The following WT1 variants were observed in gnomAD, a reference collection of about 807,000 sequenced individuals.
The protein encoded by WT1 is Wilms tumor protein.
Under a neutral mutation model 60.8 loss-of-function variants are expected in WT1, and 8 were observed. That is an observed-to-expected ratio of 0.13 (90% CI 0.08 to 0.24). WT1 has a LOEUF of 0.24. WT1 is among the 10% of genes least tolerant of loss of function. WT1 has a pLI of 1.00. For missense variants in WT1, 568 were observed against 711.8 expected, an observed-to-expected ratio of 0.80 and a Z score of 2.30; for synonymous variants, 312 against 297.1, an observed-to-expected ratio of 1.05 and a Z score of -0.52.
At chr11:32,403,242 T>A (rs1375402127) in intron 5 of WT1, among the ~76,000 whole-genome samples, 1 of 152,128 alleles carries the variant, frequency 6.6e-6, no homozygotes, top group East Asian at 1.9e-4. Flanking sequence ...TGTGGAAACC[T>A]GCAATTCAAC....
At chr11:32,414,600 C>T (rs1165796901) in intron 5 of WT1, among the ~76,000 whole-genome samples, 4 of 152,204 alleles carry the variant, frequency 2.6e-5, no homozygotes, top group Non-Finnish European at 5.9e-5. Context: ...AGTCAGGGCG[C>T]AGCAGCTCAT....
rs756837300 is a variant in WT1, at chr11:32,399,911, C to T, written c.1113+37G>A. ...GGCCGGTAAGTAGGAAGAGGCAGTG[C>T]GGCCCCCTTCCCGCTGGGGCCTGTC... On this transcript the variant is annotated intron_variant, in intron 6 of 9. Transcript: ENST00000452863. The T allele has an allele frequency of 3.7e-6, 6 of 1,600,552 alleles. 1 individual carries two copies. Among genetic ancestry groups the T allele is most frequent in the South Asian group, 3.3e-5 (3 of 90,476 alleles).
At chr11:32,397,505 A>T (rs1296890469) in intron 6 of WT1, among the ~76,000 whole-genome samples, 1 of 144,682 alleles carries the variant, frequency 6.9e-6, no homozygotes, top group Non-Finnish European at 1.5e-5. Flanking sequence ...TTTTTGGTAG[A>T]GATAGGGTCT....
intron 5 of WT1, among the ~76,000 whole-genome samples, chr11:32,410,047 C>T (rs774558300): frequency 6.6e-6 from 1 of 152,212 alleles, no homozygotes; most frequent in Non-Finnish European, 1.5e-5. Context: ...TCTCTTGCCT[C>T]AGCCTCCCGA....
chr11:32,400,407 A>G (rs1299406122), intron 5 of WT1: 2 of 382,208 alleles, frequency 5.2e-6, no homozygotes, highest in Non-Finnish European at 1.0e-5. Context: ...GAATGAGCAG[A>G]ATGCCTCAAG....
intron 4 of WT1, 86 bp from the exon 5 acceptor site, chr11:32,416,626 C>G: frequency 6.7e-7 from 1 of 1,495,258 alleles, no homozygotes; most frequent in South Asian, 1.1e-5. Context: ...CAGTGAAAAG[C>G]CCCTCAATAC....
chr11:32,396,166 T>C (rs1445460682), intron 7 of WT1, 91 bp downstream of exon 7: 1 of 1,583,232 alleles, frequency 6.3e-7, no homozygotes, highest in Non-Finnish European at 8.7e-7. Flanking sequence ...CTTTCCATCC[T>C]GGAAATAACC....
chr11:32,433,371 G>T (rs5030146), intron 1 of WT1, among the ~76,000 whole-genome samples: 1,759 of 152,340 alleles, frequency 0.012, 38 homozygotes, highest in African/African-American at 0.041. Flanking sequence ...CTTCGCGGGG[G>T]CCGGGTGCTC....
At chr11:32,397,423 C>T (rs916052093) in intron 6 of WT1, among the ~76,000 whole-genome samples, 1 of 152,078 alleles carries the variant, frequency 6.6e-6, no homozygotes, top group Admixed American at 6.5e-5. Flanking sequence ...TTAAGTAATC[C>T]TCCCACTTCA....
intron 6 of WT1, among the ~76,000 whole-genome samples, chr11:32,397,994 C>G (rs1306249760): frequency 6.6e-6 from 1 of 152,102 alleles, no homozygotes; most frequent in African/African-American, 2.4e-5. Flanking sequence ...CTTAATTCAT[C>G]CTAGAAGCAG....
At chr11:32,431,185 A>C (rs1005529229) in intron 1 of WT1, among the ~76,000 whole-genome samples, 3 of 152,194 alleles carry the variant, frequency 2.0e-5, no homozygotes, top group African/African-American at 7.2e-5. Flanking sequence ...GGTGAAATGG[A>C]CAGCAGGCTC....
At chr11:32,389,263 A>G in intron 9 of WT1, 84 bp from the exon 10 acceptor site, 1 of 1,606,942 alleles carries the variant, frequency 6.2e-7, no homozygotes. Context: ...TGAAGTCATC[A>G]CAAGGCACCC....
At chr11:32,409,022 C>T (rs1024174517) in intron 5 of WT1, among the ~76,000 whole-genome samples, 9 of 152,108 alleles carry the variant, frequency 5.9e-5, no homozygotes, top group Non-Finnish European at 1.2e-4. Flanking sequence ...AATGAATATC[C>T]AATTTCCCTG....
intron 5 of WT1, among the ~76,000 whole-genome samples, chr11:32,406,300 T>C (rs185087186): frequency 3.3e-5 from 5 of 152,186 alleles, no homozygotes; most frequent in East Asian, 3.9e-4. Flanking sequence ...TAGATTCTTA[T>C]AAGGAGAGTG....
At chr11:32,405,659 A>C (rs539967177) in intron 5 of WT1, among the ~76,000 whole-genome samples, 16 of 152,198 alleles carry the variant, frequency 1.1e-4, no homozygotes, top group African/African-American at 3.6e-4. Context: ...CCTCAGCTTC[A>C]TGTAAAATGA....
rs1853250625 is a variant in WT1, at chr11:32,430,452, GA to G, written c.662-1834del. The G allele has an allele frequency of 5.5e-6, 7 of 1,284,328 alleles. No homozygotes were observed. The African/African-American group carries it at 1.1e-4, about 20-fold the overall frequency. 79.6% of individuals were successfully genotyped at this position (1,284,328 alleles called of 1,614,324 possible). Reference sequence around the variant, plus strand: ...AGACACAGAGAGAGAGAGAGAGAGGGAGGGAGAGAGAGAGAGAGAGAGAGAG... The same window carrying G: ...AGACACAGAGAGAGAGAGAGAGAGGGGGGAGAGAGAGAGAGAGAGAGAGAG... On this transcript the variant is annotated intron_variant, in intron 1 of 9. Transcript: ENST00000452863.
intron 5 of WT1, among the ~76,000 whole-genome samples, chr11:32,402,659 C>G: frequency 6.6e-6 from 1 of 152,242 alleles, no homozygotes; most frequent in East Asian, 1.9e-4. Flanking sequence ...GTTCCTCCTG[C>G]TTCCATCTCC....
intron 3 of WT1, among the ~76,000 whole-genome samples, chr11:32,425,030 T>C (rs1384714752): frequency 6.6e-6 from 1 of 151,962 alleles, no homozygotes; most frequent in African/African-American, 2.4e-5. Context: ...ATACAAAAAT[T>C]AGCTGGGCAT....
At chr11:32,407,663 C>T (rs909221468) in intron 5 of WT1, among the ~76,000 whole-genome samples, 1 of 152,136 alleles carries the variant, frequency 6.6e-6, no homozygotes, top group African/African-American at 2.4e-5. Context: ...CTTCTCTCCC[C>T]ACCCTCGATA....
Sources: gnomAD v4.1 joint callset for allele counts (sites outside exome capture counted in the v4.1 genomes callset) on GRCh38, gnomAD v4.1.1 for gene constraint, MANE v1.5 for transcripts, NCBI Gene and HGNC (gene_info 2026-07-23, HGNC 2026-07-21) for gene names.